Variants in PDE1C observed in about 807,000 individuals in gnomAD.
PDE1C encodes phosphodiesterase 1C.
A neutral mutation model predicts 93.1 loss-of-function variants in PDE1C; 62 were observed. That is an observed-to-expected ratio of 0.67 (90% confidence interval 0.54 to 0.82). The LOEUF is 0.82. Among genes scored for constraint, PDE1C ranks in the 40% least tolerant of loss-of-function variants. PDE1C has a pLI of 0.00. For synonymous variants in PDE1C, 325 were observed against 310.1 expected (o/e 1.05, Z -0.50); for missense variants, 742 against 884.6 (o/e 0.84, Z 2.04).
intron 2 of PDE1C, among the ~76,000 whole-genome samples, chr7:31,997,702 T>A (rs1036112687): frequency 6.6e-6 from 1 of 152,184 alleles, no homozygotes; most frequent in Non-Finnish European, 1.5e-5. Context: ...TGTCAAGCAG[T>A]GGGATTACCA....
intron 2 of PDE1C, among the ~76,000 whole-genome samples, chr7:32,043,656 A>G (rs1792139657): frequency 6.6e-6 from 1 of 152,218 alleles, no homozygotes; most frequent in Non-Finnish European, 1.5e-5. Flanking sequence ...AGTAGAGGAA[A>G]CACAGAGATT....
chr7:31,867,776 C>A (rs1322025933), intron 6 of PDE1C, among the ~76,000 whole-genome samples: 1 of 150,960 alleles, frequency 6.6e-6, no homozygotes, highest in Non-Finnish European at 1.5e-5. Context: ...TGTAGAACTC[C>A]CTGGGGCCCA....
chr7:32,184,111 C>T (rs1803666844), intron 2 of PDE1C, among the ~76,000 whole-genome samples: 1 of 152,176 alleles, frequency 6.6e-6, no homozygotes, highest in Non-Finnish European at 1.5e-5. Context: ...CCATCTCACA[C>T]CAGTTAGAAT....
chr7:32,202,253 T>C (rs1805063765), intron 2 of PDE1C, among the ~76,000 whole-genome samples: 2 of 152,188 alleles, frequency 1.3e-5, no homozygotes, highest in South Asian at 4.1e-4. Flanking sequence ...GATATGTCTT[T>C]GTATATATTT....
At chr7:32,374,222 AAG>A (rs1433028645) in intron 1 of PDE1C, among the ~76,000 whole-genome samples, 1 of 147,158 alleles carries the variant, frequency 6.8e-6, no homozygotes, top group African/African-American at 2.5e-5. Flanking sequence ...AAGAAAGGGA[AAG>A]AAAGAAAAAG....
chr7:31,864,036 T>G (rs1239237263), intron 7 of PDE1C, among the ~76,000 whole-genome samples: 1 of 152,216 alleles, frequency 6.6e-6, no homozygotes. Flanking sequence ...ACCCAAAGTA[T>G]GTCTATCTTA....
chr7:31,818,559 T>C (rs748236647), intron 14 of PDE1C, among the ~76,000 whole-genome samples: 3 of 152,208 alleles, frequency 2.0e-5, no homozygotes, highest in Non-Finnish European at 4.4e-5. Context: ...TCATCAGTCC[T>C]CAGCAAATTA....
the PDE1C span, among the ~76,000 whole-genome samples, chr7:31,699,446 G>A: frequency 6.6e-6 from 1 of 152,108 alleles, no homozygotes; most frequent in Admixed American, 6.5e-5. Context: ...TTGGTCAAGG[G>A]GTCCAGAGAT....
At chr7:32,262,517 G>A (rs1810285775) in intron 1 of PDE1C, among the ~76,000 whole-genome samples, 1 of 152,190 alleles carries the variant, frequency 6.6e-6, no homozygotes, top group African/African-American at 2.4e-5. Context: ...ACTGCAGGAG[G>A]CCCCAGCATG....
chr7:32,143,367 A>G (rs1800645647), intron 3 of PDE1C, among the ~76,000 whole-genome samples: 1 of 150,844 alleles, frequency 6.6e-6, no homozygotes, highest in African/African-American at 2.4e-5. Context: ...TCTAGTGGGA[A>G]CGGCCTGACC....
chr7:32,062,773 T>A (rs1045297230), intron 1 of PDE1C, among the ~76,000 whole-genome samples: 1 of 152,172 alleles, frequency 6.6e-6, no homozygotes, highest in African/African-American at 2.4e-5. Flanking sequence ...ACTAATTCCC[T>A]GGTGCTTAGC....
At chr7:32,027,312 G>A (rs1789569460) in intron 2 of PDE1C, among the ~76,000 whole-genome samples, 1 of 151,986 alleles carries the variant, frequency 6.6e-6, no homozygotes, top group Non-Finnish European at 1.5e-5. Flanking sequence ...CACTTTTGCT[G>A]TAAACCTAAA....
At chr7:31,777,830 A>G (rs751676089) in intron 16 of PDE1C, among the ~76,000 whole-genome samples, 1 of 152,194 alleles carries the variant, frequency 6.6e-6, no homozygotes, top group Non-Finnish European at 1.5e-5. Flanking sequence ...AGGGAACTGT[A>G]TCTGGCGGGA....
intron 1 of PDE1C, among the ~76,000 whole-genome samples, chr7:32,341,906 T>C (rs1783765567): frequency 6.6e-6 from 1 of 152,136 alleles, no homozygotes; most frequent in African/African-American, 2.4e-5. Context: ...ACTTTTTGCC[T>C]CCATTTCCTT....
chr7:31,841,762 T>G (rs1432052843), intron 9 of PDE1C, among the ~76,000 whole-genome samples: 6 of 132,542 alleles, frequency 4.5e-5, no homozygotes, highest in African/African-American at 1.6e-4. Flanking sequence ...AGAAAGAGAT[T>G]TATTATGAGG....
At chr7:31,781,820 G>C (rs909225397) in intron 16 of PDE1C, among the ~76,000 whole-genome samples, 2 of 151,818 alleles carry the variant, frequency 1.3e-5, no homozygotes, top group Admixed American at 1.3e-4. Context: ...GTTTAGTTTC[G>C]TGTGATTTGA....
At chr7:32,186,851 G>A (rs1355999007) in intron 2 of PDE1C, among the ~76,000 whole-genome samples, 1 of 152,092 alleles carries the variant, frequency 6.6e-6, no homozygotes, top group Non-Finnish European at 1.5e-5. Context: ...TAGCACGCAA[G>A]ATCTATCCTA....
chr7:31,657,081 T>C, the PDE1C span, among the ~76,000 whole-genome samples: 1 of 10,648 alleles, frequency 9.4e-5, no homozygotes, highest in Non-Finnish European at 1.9e-4. Context: ...GTATCATATA[T>C]ATTTTATATA....
chr7:31,927,559 T>C lies in PDE1C; in HGVS notation c.129-46699A>G, dbSNP rs541256138. ...TCATACAGGAAAGCTCCAGCTGGTATCAGACAGGTGTCCCTCTGGGACAAA... is the reference window on the plus strand; with the variant it reads ...TCATACAGGAAAGCTCCAGCTGGTACCAGACAGGTGTCCCTCTGGGACAAA... On this transcript the variant is annotated intron_variant, in intron 2 of 17. Coordinates refer to ENST00000396191, the MANE Select transcript of PDE1C (RefSeq NM_001191057.4). Among the ~76,000 whole-genome samples, 9 of 152,246 alleles carry C rather than the reference T, an allele frequency of 5.9e-5. No individual in the cohort carries two copies. The East Asian group carries it at 1.7e-3, about 30-fold the overall frequency.
Sources: allele counts gnomAD v4.1 joint callset (sites outside exome capture counted in the v4.1 genomes callset), GRCh38; gene constraint gnomAD v4.1.1; transcripts MANE v1.5; gene names NCBI Gene and HGNC (gene_info 2026-07-23, HGNC 2026-07-21).